The following SPMIP2 variants were observed in gnomAD, a reference collection of about 807,000 sequenced individuals.
The protein encoded by SPMIP2 is protein SPMIP2.
the SPMIP2 span, chr4:158,973,154 G>A: frequency 1.2e-5 from 20 of 1,612,368 alleles, no homozygotes; most frequent in African/African-American, 4.0e-5. Flanking sequence ...CAATTTCACT[G>A]ACGTACTCAT....
chr4:159,063,550 AAAAT>A, the SPMIP2 span, among the ~76,000 whole-genome samples: 323 of 148,648 alleles, frequency 2.2e-3, 2 homozygotes, highest in African/African-American at 7.0e-3. Context: ...ATCCTGTCTC[AAAAT>A]AAATAAATAA....
the SPMIP2 span, among the ~76,000 whole-genome samples, chr4:158,897,412 G>A: frequency 5.1e-3 from 769 of 152,252 alleles, no homozygotes; most frequent in African/African-American, 0.017. Context: ...TTGAGGAATC[G>A]CCACACTGTT....
At chr4:159,047,215 TA>T in the SPMIP2 span, among the ~76,000 whole-genome samples, 1 of 152,192 alleles carries the variant, frequency 6.6e-6, no homozygotes, top group Non-Finnish European at 1.5e-5. Flanking sequence ...AAAAAAATTA[TA>T]AAAAGTAGAT....
At chr4:159,077,304 G>A in the SPMIP2 span, among the ~76,000 whole-genome samples, 11 of 151,796 alleles carry the variant, frequency 7.2e-5, no homozygotes, top group South Asian at 2.1e-4. Context: ...CTGCCACCAC[G>A]CCTGGCTAAT....
At chr4:158,935,212 T>C in the SPMIP2 span, among the ~76,000 whole-genome samples, 1 of 152,216 alleles carries the variant, frequency 6.6e-6, no homozygotes. Flanking sequence ...CTTCCATGCT[T>C]TGGCTTATGC....
chr4:158,961,272 T>C, the SPMIP2 span, among the ~76,000 whole-genome samples: 2 of 152,248 alleles, frequency 1.3e-5, no homozygotes, highest in African/African-American at 4.8e-5. Flanking sequence ...CTCTTCCTTT[T>C]CCCTGAAGCT....
chr4:158,899,828 T>TA, the SPMIP2 span, among the ~76,000 whole-genome samples: 14 of 152,316 alleles, frequency 9.2e-5, no homozygotes, highest in African/African-American at 3.1e-4. Context: ...TTGAAGGGTT[T>TA]TTTGTGTCTC....
chr4:158,970,063 C>T, the SPMIP2 span, among the ~76,000 whole-genome samples: 12 of 152,192 alleles, frequency 7.9e-5, no homozygotes, highest in Admixed American at 5.2e-4. Context: ...CTTGTGAGGG[C>T]GGCCCTGGGT....
chr4:158,983,219 C>T, the SPMIP2 span, among the ~76,000 whole-genome samples: 4,854 of 152,020 alleles, frequency 0.032, 257 homozygotes, highest in African/African-American at 0.11. Flanking sequence ...AGAATGGAAC[C>T]AAGTTGGAAA....
At chr4:158,960,468 A>G in the SPMIP2 span, 1 of 567,820 alleles carries the variant, frequency 1.8e-6, no homozygotes, top group Non-Finnish European at 3.1e-6. Context: ...TGCTAAATTC[A>G]GTTAAAAGAA....
At chr4:158,979,079 A>T in the SPMIP2 span, among the ~76,000 whole-genome samples, 2 of 152,126 alleles carry the variant, frequency 1.3e-5, no homozygotes, top group African/African-American at 4.8e-5. Flanking sequence ...AGAGAAGAGG[A>T]ATCTAGAGAG....
the SPMIP2 span, among the ~76,000 whole-genome samples, chr4:158,949,493 A>G: frequency 0.14 from 20,945 of 152,234 alleles, 2,924 homozygotes; most frequent in African/African-American, 0.36. Flanking sequence ...TGTCCAAGGT[A>G]TCATAGCTAA....
At chr4:158,957,542 T>A in the SPMIP2 span, among the ~76,000 whole-genome samples, 11 of 152,216 alleles carry the variant, frequency 7.2e-5, no homozygotes, top group African/African-American at 2.7e-4. Flanking sequence ...TTCTCTTGCC[T>A]CAGCCTCCCA....
At chr4:159,045,971 C>T in the SPMIP2 span, among the ~76,000 whole-genome samples, 4 of 152,078 alleles carry the variant, frequency 2.6e-5, no homozygotes, top group Non-Finnish European at 5.9e-5. Context: ...CAGCTGAGGC[C>T]GGGCACGGTG....
At chr4:159,017,363 A>ACACACACT in the SPMIP2 span, among the ~76,000 whole-genome samples, 3 of 151,304 alleles carry the variant, frequency 2.0e-5, no homozygotes, top group Non-Finnish European at 4.4e-5. Context: ...ACATACACAC[A>ACACACACT]CACACACACA....
the SPMIP2 span, among the ~76,000 whole-genome samples, chr4:159,063,318 G>A: frequency 2.0e-5 from 3 of 152,244 alleles, no homozygotes; most frequent in African/African-American, 7.2e-5. Flanking sequence ...CAGCACTTTG[G>A]GAGACCGAGA....
chr4:159,047,453 A>G, the SPMIP2 span, among the ~76,000 whole-genome samples: 20,853 of 152,224 alleles, frequency 0.14, 1,712 homozygotes, highest in Admixed American at 0.2. Flanking sequence ...TAGATTTTAA[A>G]TTAGAAACAT....
the SPMIP2 span, among the ~76,000 whole-genome samples, chr4:159,017,238 A>G: frequency 9.2e-5 from 14 of 152,108 alleles, no homozygotes; most frequent in African/African-American, 3.1e-4. Context: ...TGCTGAGATT[A>G]TTATTGGCCC....
the SPMIP2 span, among the ~76,000 whole-genome samples, chr4:159,028,290 T>C: frequency 1.3e-4 from 20 of 152,170 alleles, no homozygotes; most frequent in African/African-American, 4.8e-4. Flanking sequence ...TGAAGAAAAA[T>C]CTGAATTAAA....
Sources: allele counts gnomAD v4.1 joint callset (sites outside exome capture counted in the v4.1 genomes callset), GRCh38; gene constraint gnomAD v4.1.1; transcripts MANE v1.5; gene names NCBI Gene and HGNC (gene_info 2026-07-23, HGNC 2026-07-21).